The following R3HCC1L variants were observed in gnomAD, a reference collection of about 807,000 sequenced individuals.
R3HCC1L encodes the protein R3H domain and coiled-coil containing 1 like, also known as coiled-coil domain-containing protein R3HCC1L.
Under a neutral mutation model 59.9 loss-of-function variants are expected in R3HCC1L, and 51 were observed. That is an observed-to-expected ratio of 0.85 (90% CI 0.68 to 1.07). The LOEUF (loss-of-function observed/expected upper bound fraction) is 1.07. R3HCC1L is among the 50% of genes least tolerant of loss of function. The pLI, the probability that R3HCC1L is intolerant of heterozygous loss-of-function variation, is 0.00. For synonymous variants in R3HCC1L, 322 were observed against 315.2 expected, an observed-to-expected ratio of 1.02 and a Z score of -0.23; for missense variants, 965 against 933.0, an observed-to-expected ratio of 1.03 and a Z score of -0.45.
intron 1 of R3HCC1L, among the ~76,000 whole-genome samples, chr10:98,153,181 G>C (rs1375901271): frequency 6.6e-6 from 1 of 152,246 alleles, no homozygotes; most frequent in Non-Finnish European, 1.5e-5. Flanking sequence ...AGGGGGAAAG[G>C]TGGGGAGAAG....
intron 1 of R3HCC1L, among the ~76,000 whole-genome samples, chr10:98,148,412 C>T (rs1336027075): frequency 6.6e-6 from 1 of 152,094 alleles, no homozygotes; most frequent in Admixed American, 6.6e-5. Flanking sequence ...GCCAGAACTT[C>T]CAGTATTATG....
At chr10:98,198,446 A>G (rs910374396) in intron 4 of R3HCC1L, among the ~76,000 whole-genome samples, 2 of 152,042 alleles carry the variant, frequency 1.3e-5, no homozygotes, top group Admixed American at 6.6e-5. Flanking sequence ...TACTCTTGAT[A>G]GTGTAGTGAA....
intron 4 of R3HCC1L, among the ~76,000 whole-genome samples, chr10:98,165,397 G>A (rs10736123): frequency 0.27 from 40,839 of 152,152 alleles, 6,253 homozygotes; most frequent in South Asian, 0.42. Flanking sequence ...TAAAGGTAAG[G>A]GTAATGGGGA....
intron 1 of R3HCC1L, among the ~76,000 whole-genome samples, chr10:98,137,158 CCG>C (rs1381593166): frequency 6.6e-6 from 1 of 152,158 alleles, no homozygotes; most frequent in Non-Finnish European, 1.5e-5. Context: ...TTGCAGTGAG[CCG>C]AGATCACACC....
chr10:98,193,271 G>A (rs1404692850), intron 4 of R3HCC1L, among the ~76,000 whole-genome samples: 1 of 151,970 alleles, frequency 6.6e-6, no homozygotes, highest in African/African-American at 2.4e-5. Context: ...CCTAGCTAGA[G>A]CAGTTAGACG....
At chr10:98,242,851 A>T (rs920908124) in intron 9 of R3HCC1L, among the ~76,000 whole-genome samples, 3 of 152,182 alleles carry the variant, frequency 2.0e-5, no homozygotes, top group African/African-American at 7.2e-5. Flanking sequence ...AAATTCTGGA[A>T]TCCATTAGAC....
chr10:98,240,797 A>AAT (rs1554857397), intron 9 of R3HCC1L, among the ~76,000 whole-genome samples: 2 of 133,318 alleles, frequency 1.5e-5, no homozygotes, highest in Non-Finnish European at 3.2e-5. Flanking sequence ...TTCTAACCAC[A>AAT]TTTTTTTTTT....
chr10:98,161,402 A>G (rs1156260705), intron 2 of R3HCC1L, among the ~76,000 whole-genome samples: 4 of 152,050 alleles, frequency 2.6e-5, no homozygotes, highest in African/African-American at 9.7e-5. Flanking sequence ...AGTTTTTAAT[A>G]TATTAGGAAT....
At position 98,172,476 on chromosome 10, in the gene R3HCC1L, T is replaced by C. The variant is rs376296861; in HGVS notation, c.-15+9079T>C. Among the ~76,000 whole-genome samples, 5 of 152,302 alleles carry C rather than the reference T, an allele frequency of 3.3e-5. No homozygotes were observed. In the South Asian group the frequency reaches 1.0e-3, roughly 32 times the overall value. On this transcript the variant is annotated intron_variant, in intron 4 of 9. Coordinates refer to ENST00000298999, the MANE Select transcript of R3HCC1L (RefSeq NM_001351015.2). ...AACTTAACTTGATTGTGTGTCTTAATATTACTGGGCTTCTGACCGCTGAAA... is the reference window on the plus strand; with the variant it reads ...AACTTAACTTGATTGTGTGTCTTAACATTACTGGGCTTCTGACCGCTGAAA...
intron 4 of R3HCC1L, among the ~76,000 whole-genome samples, chr10:98,168,925 T>C: frequency 6.6e-6 from 1 of 152,152 alleles, no homozygotes; most frequent in East Asian, 1.9e-4. Flanking sequence ...GAGGAGTTGG[T>C]AGGAAGAAGT....
intron 4 of R3HCC1L, among the ~76,000 whole-genome samples, chr10:98,169,613 C>T (rs929179036): frequency 2.6e-5 from 4 of 152,096 alleles, no homozygotes; most frequent in African/African-American, 7.2e-5. Context: ...CATGGTTCAT[C>T]GCGGCAGATT....
intron 4 of R3HCC1L, among the ~76,000 whole-genome samples, chr10:98,196,432 T>G (rs1391382658): frequency 6.6e-6 from 1 of 152,182 alleles, no homozygotes; most frequent in Non-Finnish European, 1.5e-5. Flanking sequence ...AGCATTTATC[T>G]TATTTTATTT....
At chr10:98,135,175 C>G (rs938161882) in intron 1 of R3HCC1L, among the ~76,000 whole-genome samples, 1 of 152,216 alleles carries the variant, frequency 6.6e-6, no homozygotes, top group African/African-American at 2.4e-5. Flanking sequence ...AGTGAGCAAT[C>G]TATAAAGGAG....
chr10:98,179,002 T>C (rs1192411452), intron 4 of R3HCC1L, among the ~76,000 whole-genome samples: 1 of 152,238 alleles, frequency 6.6e-6, no homozygotes, highest in Non-Finnish European at 1.5e-5. Flanking sequence ...AATCATGTCA[T>C]CTGCATCAGG....
intron 4 of R3HCC1L, among the ~76,000 whole-genome samples, chr10:98,192,270 A>T (rs758925862): frequency 4.0e-5 from 6 of 150,554 alleles, no homozygotes; most frequent in Admixed American, 6.6e-5. Context: ...ATAAAGCTTT[A>T]AAAAAAAAGG....
chr10:98,170,648 G>A (rs1217516806), intron 4 of R3HCC1L, among the ~76,000 whole-genome samples: 1 of 152,126 alleles, frequency 6.6e-6, no homozygotes, highest in South Asian at 2.1e-4. Flanking sequence ...TTTGAAGATA[G>A]GTATGCAGGT....
intron 1 of R3HCC1L, among the ~76,000 whole-genome samples, chr10:98,149,122 A>AT (rs1311821699): frequency 6.6e-6 from 1 of 152,016 alleles, no homozygotes; most frequent in Non-Finnish European, 1.5e-5. Context: ...GAATTTATCC[A>AT]TTTCTTCCAG....
At chr10:98,237,527 TC>T in intron 9 of R3HCC1L, among the ~76,000 whole-genome samples, 1 of 152,302 alleles carries the variant, frequency 6.6e-6, no homozygotes, top group African/African-American at 2.4e-5. Context: ...AGCATGCAGC[TC>T]CACTTGAAGT....
intron 4 of R3HCC1L, among the ~76,000 whole-genome samples, chr10:98,197,270 C>T (rs944575358): frequency 5.9e-5 from 9 of 151,998 alleles, no homozygotes; most frequent in Admixed American, 1.3e-4. Flanking sequence ...ACTTCTTGTC[C>T]GTGCCAAAAT....
Sources: gnomAD v4.1 joint callset for allele counts (sites outside exome capture counted in the v4.1 genomes callset) on GRCh38, gnomAD v4.1.1 for gene constraint, MANE v1.5 for transcripts, NCBI Gene and HGNC (gene_info 2026-07-23, HGNC 2026-07-21) for gene names.